Variants in GRIN2B observed in about 807,000 individuals in gnomAD.
GRIN2B encodes the protein glutamate receptor ionotropic, NMDA 2B.
A neutral mutation model predicts 114.5 loss-of-function variants in GRIN2B; 5 were observed. The observed-to-expected ratio is 0.04, with a 90% CI of 0.02 to 0.09. GRIN2B has a LOEUF of 0.09. Among genes scored for constraint, GRIN2B ranks in the 10% least tolerant of loss-of-function variants. GRIN2B has a pLI of 1.00. For missense variants in GRIN2B, 1,108 were observed against 1,943.5 expected, an observed-to-expected ratio of 0.57 and a Z score of 8.08; for synonymous variants, 787 against 745.1, an observed-to-expected ratio of 1.06 and a Z score of -0.92.
chr12:13,645,653 T>A (rs904730918), intron 5 of GRIN2B, among the ~76,000 whole-genome samples: 5 of 151,836 alleles, frequency 3.3e-5, no homozygotes, highest in Non-Finnish European at 7.4e-5. Flanking sequence ...ATAAACAATT[T>A]CTTTCTCCTC....
At chr12:13,588,747 A>G (rs1288304787) in intron 10 of GRIN2B, among the ~76,000 whole-genome samples, 2 of 152,180 alleles carry the variant, frequency 1.3e-5, no homozygotes, top group African/African-American at 4.8e-5. Flanking sequence ...GCTAAAGAGC[A>G]ATATGTGGAA....
chr12:13,786,672 G>C (rs61912128), intron 3 of GRIN2B, among the ~76,000 whole-genome samples: 4 of 103,726 alleles, frequency 3.9e-5, no homozygotes, highest in Non-Finnish European at 8.4e-5. Context: ...TCAGGGCTGA[G>C]GGGAAAAAAA....
intron 5 of GRIN2B, among the ~76,000 whole-genome samples, chr12:13,639,453 C>G (rs1448524746): frequency 6.6e-6 from 1 of 152,152 alleles, no homozygotes; most frequent in African/African-American, 2.4e-5. Context: ...ACCCGAAGAC[C>G]ATTAATAGGT....
In GRIN2B at chr12:13,654,970, G is replaced by A. The variant is rs928514972; in HGVS notation, c.1125+20775C>T. ...CCTGTTAGAAAGGACAGGAACCCAG[G>A]AGAACAAAAAACAATATTTCAACGG... On this transcript the variant is annotated intron_variant, in intron 5 of 13. Coordinates refer to ENST00000609686, the MANE Select transcript of GRIN2B (RefSeq NM_000834.5). 3.3e-5 allele frequency among the ~76,000 whole-genome samples: 5 copies of A among 152,138 alleles called. No individual in the cohort carries two copies. The South Asian group carries it at 8.3e-4, about 25-fold the overall frequency.
At chr12:13,916,414 T>A (rs907969070) in intron 2 of GRIN2B, among the ~76,000 whole-genome samples, 1 of 152,068 alleles carries the variant, frequency 6.6e-6, no homozygotes, top group African/African-American at 2.4e-5. Context: ...TCTTGTGTGG[T>A]TTCATGATCT....
chr12:13,741,357 T>C (rs1863284042), intron 4 of GRIN2B, among the ~76,000 whole-genome samples: 1 of 152,156 alleles, frequency 6.6e-6, no homozygotes, highest in Non-Finnish European at 1.5e-5. Context: ...CAAACCACCC[T>C]GTCCCACAGG....
chr12:13,881,236 T>G (rs1800279071), intron 2 of GRIN2B, among the ~76,000 whole-genome samples: 1 of 152,214 alleles, frequency 6.6e-6, no homozygotes, highest in African/African-American at 2.4e-5. Context: ...TCCCTGGTTG[T>G]CCTTTACAAG....
intron 2 of GRIN2B, among the ~76,000 whole-genome samples, chr12:13,968,451 G>T (rs1307168690): frequency 1.3e-5 from 2 of 152,172 alleles, no homozygotes; most frequent in East Asian, 3.8e-4. Flanking sequence ...AGTTCAGCAA[G>T]GTTGTATAGT....
intron 2 of GRIN2B, among the ~76,000 whole-genome samples, chr12:13,917,800 C>T (rs1866758251): frequency 6.6e-6 from 1 of 152,196 alleles, no homozygotes; most frequent in African/African-American, 2.4e-5. Context: ...GAATATCTCA[C>T]TTTAAGTGGC....
rs180928841 is a variant in GRIN2B at position 13,733,548 on chromosome 12, G to T, written c.1010+19769C>A. On this transcript the variant is annotated intron_variant, in intron 4 of 13. Coordinates refer to ENST00000609686, the MANE Select transcript of GRIN2B (RefSeq NM_000834.5). Reference sequence around the variant, plus strand: ...TTTCTCTTTATCAAGTGAATCAAAAGCTTGGCTAAATGAAAACCTAAAACC... The same window carrying T: ...TTTCTCTTTATCAAGTGAATCAAAATCTTGGCTAAATGAAAACCTAAAACC... Among the ~76,000 whole-genome samples the T allele has an allele frequency of 3.7e-3, 559 of 152,244 alleles. 2 individuals carry two copies. The highest frequency in any genetic ancestry group is 6.0e-3 in the Non-Finnish European group (405 of 68,006).
chr12:13,793,615 C>T (rs1036014411), intron 3 of GRIN2B, among the ~76,000 whole-genome samples: 5 of 152,146 alleles, frequency 3.3e-5, no homozygotes, highest in African/African-American at 7.2e-5. Context: ...ATTCCTAATT[C>T]GAATCCACTC....
At chr12:13,903,732 A>T (rs2136790236) in intron 2 of GRIN2B, among the ~76,000 whole-genome samples, 1 of 152,108 alleles carries the variant, frequency 6.6e-6, no homozygotes, top group Admixed American at 6.5e-5. Flanking sequence ...TTTCATGTCA[A>T]GTTTGTTAAT....
chr12:13,881,081 A>G (rs572551458), intron 2 of GRIN2B, among the ~76,000 whole-genome samples: 24 of 152,324 alleles, frequency 1.6e-4, no homozygotes, highest in African/African-American at 5.8e-4. Context: ...TATAAAAAAG[A>G]TAACTTTATT....
intron 2 of GRIN2B, among the ~76,000 whole-genome samples, chr12:13,950,649 A>G (rs1867463547): frequency 6.6e-6 from 1 of 152,216 alleles, no homozygotes. Flanking sequence ...CAATGAAGAA[A>G]TAAACAAAAG....
chr12:13,855,066 A>AAAAAAAAAAAAAAG, intron 3 of GRIN2B, among the ~76,000 whole-genome samples: 1 of 151,016 alleles, frequency 6.6e-6, no homozygotes, highest in Non-Finnish European at 1.5e-5. Flanking sequence ...AAAAAAAAAA[A>AAAAAAAAAAAAAAG]AAATTGCCTG....
At chr12:13,952,440 T>C (rs1204066365) in intron 2 of GRIN2B, among the ~76,000 whole-genome samples, 1 of 152,172 alleles carries the variant, frequency 6.6e-6, no homozygotes, top group Non-Finnish European at 1.5e-5. Context: ...TAAAATACTC[T>C]GAAAGCCTAA....
At chr12:13,728,294 A>G (rs1221618784) in intron 4 of GRIN2B, among the ~76,000 whole-genome samples, 2 of 152,198 alleles carry the variant, frequency 1.3e-5, no homozygotes, top group African/African-American at 2.4e-5. Context: ...TATGGGAACC[A>G]ATAAACTTTT....
intron 5 of GRIN2B, among the ~76,000 whole-genome samples, chr12:13,641,043 G>A (rs1038900258): frequency 1.1e-4 from 16 of 151,542 alleles, no homozygotes; most frequent in Non-Finnish European, 2.9e-5. Context: ...CTGAATATAA[G>A]CTAAACCCTG....
chr12:13,906,677 A>T (rs1208924911), intron 2 of GRIN2B, among the ~76,000 whole-genome samples: 1 of 152,234 alleles, frequency 6.6e-6, no homozygotes. Flanking sequence ...CATGTCTTAC[A>T]TTAATGAACA....
Sources: allele counts gnomAD v4.1 joint callset (sites outside exome capture counted in the v4.1 genomes callset), GRCh38; gene constraint gnomAD v4.1.1; transcripts MANE v1.5; gene names NCBI Gene and HGNC (gene_info 2026-07-23, HGNC 2026-07-21).